The following DPP6 variants were observed in gnomAD, a reference collection of about 807,000 sequenced individuals.
The protein encoded by DPP6 is A-type potassium channel modulatory protein DPP6.
In DPP6, 69 loss-of-function variants were observed where a neutral mutation model predicts 122.6. The observed-to-expected ratio is 0.56, with a 90% confidence interval of 0.46 to 0.69. The LOEUF is 0.69. Among genes scored for constraint, DPP6 ranks in the 30% least tolerant of loss-of-function variants. DPP6 has a pLI of 0.00. For synonymous variants in DPP6, 418 were observed against 433.1 expected (o/e 0.97, Z 0.43); for missense variants, 928 against 1,116.9 (o/e 0.83, Z 2.41).
the DPP6 span, among the ~76,000 whole-genome samples, chr7:153,783,099 T>A: frequency 2.6e-5 from 4 of 152,164 alleles, no homozygotes; most frequent in African/African-American, 9.7e-5. Context: ...ACGAGACCTT[T>A]ACAAAGCCAG....
At chr7:154,161,245 C>T (rs1366003047) in intron 1 of DPP6, among the ~76,000 whole-genome samples, 1 of 152,250 alleles carries the variant, frequency 6.6e-6, no homozygotes, top group African/African-American at 2.4e-5. Context: ...CTTTGTAAAC[C>T]CAGCACTTTG....
chr7:153,993,383 C>T (rs1056620701), intron 1 of DPP6, among the ~76,000 whole-genome samples: 11 of 152,264 alleles, frequency 7.2e-5, no homozygotes, highest in African/African-American at 2.4e-4. Flanking sequence ...TTTATTTCAC[C>T]TGAATAAAAA....
intron 1 of DPP6, among the ~76,000 whole-genome samples, chr7:154,202,009 C>G (rs531285020): frequency 5.3e-4 from 81 of 152,260 alleles, no homozygotes; most frequent in Middle Eastern, 3.4e-3. Flanking sequence ...AAATTAGGAC[C>G]TTTTTCACCC....
intron 10 of DPP6, 114 bp from the exon 11 acceptor site, chr7:154,793,950 GCTGGCTGTGTCACCA>G: frequency 7.1e-7 from 1 of 1,403,400 alleles, no homozygotes; most frequent in Non-Finnish European, 9.5e-7. Context: ...AAGCTCGCAG[GCTGGCTGTGTCACCA>G]CTGGCTCCGG....
chr7:154,327,353 C>T (rs938738848), intron 1 of DPP6, among the ~76,000 whole-genome samples: 3 of 152,250 alleles, frequency 2.0e-5, no homozygotes, highest in African/African-American at 4.8e-5. Context: ...GTTTTAGTAA[C>T]ATTCCCTTTT....
At chr7:154,761,661 G>C (rs894987574) in intron 8 of DPP6, among the ~76,000 whole-genome samples, 1 of 152,174 alleles carries the variant, frequency 6.6e-6, no homozygotes, top group Non-Finnish European at 1.5e-5. Context: ...GCAGGAGTGA[G>C]AGGGAGTGAG....
At chr7:154,087,497 G>A (rs1025905050) in intron 1 of DPP6, among the ~76,000 whole-genome samples, 2 of 152,226 alleles carry the variant, frequency 1.3e-5, no homozygotes, top group African/African-American at 2.4e-5. Context: ...TGTAAGAGCA[G>A]AGGAGAGAAT....
intron 1 of DPP6, among the ~76,000 whole-genome samples, chr7:154,285,413 C>A (rs188531669): frequency 6.6e-6 from 1 of 152,038 alleles, no homozygotes; most frequent in Admixed American, 6.6e-5. Flanking sequence ...AACAGGCACC[C>A]GCCACCACAC....
At position 154,116,072 on chromosome 7, in the gene DPP6, A is replaced by C. The variant is rs904939475; in HGVS notation, c.243+63009A>C. Among the ~76,000 whole-genome samples, 3 of 150,406 alleles carry C rather than the reference A, an allele frequency of 2.0e-5. No individual in the cohort carries two copies. In the Admixed American group the frequency reaches 2.0e-4, roughly 10 times the overall value. On this transcript the variant is annotated intron_variant, in intron 1 of 25. Transcript: ENST00000377770. ...AACATTCAGTAGTCACAAGGTCTTT[A>C]CACACCCACTGCTTATCCATCATAT...
chr7:153,984,557 T>C (rs1325793119), intron 1 of DPP6, among the ~76,000 whole-genome samples: 2 of 152,186 alleles, frequency 1.3e-5, no homozygotes, highest in Non-Finnish European at 2.9e-5. Flanking sequence ...AATTCTCTTA[T>C]TTTTATTGCA....
chr7:154,521,109 G>C (rs1490105825), intron 3 of DPP6, among the ~76,000 whole-genome samples: 1 of 152,098 alleles, frequency 6.6e-6, no homozygotes, highest in Admixed American at 6.5e-5. Context: ...TTATATAACA[G>C]CTAATCATAA....
chr7:154,678,218 G>A (rs562823549), intron 7 of DPP6, among the ~76,000 whole-genome samples: 1 of 152,178 alleles, frequency 6.6e-6, no homozygotes, highest in Non-Finnish European at 1.5e-5. Flanking sequence ...GGAAATAAAA[G>A]CTGGCCACCG....
rs555901719 is a variant in DPP6, at chr7:154,246,453, A to G, written c.243+193390A>G. On this transcript the variant is annotated intron_variant, in intron 1 of 25. Transcript: ENST00000377770. ...AATGAAGAGATTCGATATTATCAAG[A>G]TATCAGTTCTCCAGCAATTGATTTA... is the stretch of plus-strand genomic sequence containing the variant. 5.9e-5 allele frequency among the ~76,000 whole-genome samples: 9 copies of G among 152,348 alleles called. No individual in the cohort carries two copies. The South Asian group carries it at 1.7e-3, about 28-fold the overall frequency.
At chr7:153,851,332 T>C in the DPP6 span, among the ~76,000 whole-genome samples, 2 of 152,258 alleles carry the variant, frequency 1.3e-5, no homozygotes, top group Non-Finnish European at 2.9e-5. Flanking sequence ...CTCTTGGGTT[T>C]ACTTTGTACA....
intron 8 of DPP6, among the ~76,000 whole-genome samples, chr7:154,757,911 T>G (rs918039354): frequency 6.6e-6 from 1 of 151,788 alleles, no homozygotes; most frequent in Admixed American, 6.6e-5. Context: ...CTCAGGGAGG[T>G]CGGAGGCCAG....
chr7:154,455,976 C>A (rs1342868979), intron 2 of DPP6, among the ~76,000 whole-genome samples: 1 of 152,154 alleles, frequency 6.6e-6, no homozygotes, highest in Non-Finnish European at 1.5e-5. Flanking sequence ...CATATTTTTA[C>A]AAGCAGCTGG....
intron 1 of DPP6, among the ~76,000 whole-genome samples, chr7:154,147,699 A>ACACACACACACACAC (rs1243502441): frequency 1.4e-5 from 2 of 140,988 alleles, no homozygotes; most frequent in African/African-American, 6.2e-5. Flanking sequence ...TACACACACA[A>ACACACACACACACAC]ACACATACCT....
chr7:153,784,198 C>A, the DPP6 span, among the ~76,000 whole-genome samples: 1,963 of 152,230 alleles, frequency 0.013, 19 homozygotes, highest in Middle Eastern at 0.024. Context: ...AATAAATGTG[C>A]AAGCAGCATT....
chr7:154,777,148 C>T (rs1283442977), intron 10 of DPP6, among the ~76,000 whole-genome samples: 2 of 152,110 alleles, frequency 1.3e-5, no homozygotes, highest in African/African-American at 4.8e-5. Flanking sequence ...TGTGTGAGGC[C>T]CTTGGGTGAT....
Sources: allele counts gnomAD v4.1 joint callset (sites outside exome capture counted in the v4.1 genomes callset), GRCh38; gene constraint gnomAD v4.1.1; transcripts MANE v1.5; gene names NCBI Gene and HGNC (gene_info 2026-07-23, HGNC 2026-07-21).